Variants in BEAN1 observed in about 807,000 individuals in gnomAD.
The protein encoded by BEAN1 is protein BEAN1.
A neutral mutation model predicts 17.7 loss-of-function variants in BEAN1; 17 were observed. That is an observed-to-expected ratio of 0.96 (90% CI 0.66 to 1.44). The LOEUF is 1.44. BEAN1 is among the 40% of genes most tolerant of loss of function. BEAN1 has a pLI of 0.00. For missense variants in BEAN1, 359 were observed against 374.1 expected (o/e 0.96, Z 0.33); for synonymous variants, 142 against 151.8 (o/e 0.94, Z 0.47).
At position 66,469,767 on chromosome 16, in the gene BEAN1, A is replaced by G. The variant is rs893493147; in HGVS notation, c.191A>G (p.Gln64Arg). 1.5e-5 allele frequency: 23 copies of G among 1,535,890 alleles called. No individual in the cohort carries two copies. The African/African-American group carries it at 2.9e-4, about 19-fold the overall frequency. ...IIVGSIRRDRQARLQRHRHRH... is the reference protein window; with the variant it reads ...IIVGSIRRDRRARLQRHRHRH... The stretch of plus-strand genomic sequence containing the variant: ...GTGGGCAGCATCCGCAGGGACAGGC[A>G]GGCCCGGCTTCAGCGGCACCGCCAC... The change falls in exon 3 of 5, where the codon CAG becomes CGG. Residue 64 changes from glutamine (Q) to arginine (R), a missense_variant. Gln to Arg is a conservative substitution (Grantham distance 43). Coordinates refer to ENST00000536005, the MANE Select transcript of BEAN1 (RefSeq NM_001178020.3).
At chr16:66,478,864 T>G (rs926925505) in intron 4 of BEAN1, 1 of 152,408 alleles carries the variant, frequency 6.6e-6, no homozygotes, top group African/African-American at 2.4e-5. Flanking sequence ...CCTTCAGAGA[T>G]ACAGAGGAGG....
downstream of BEAN1, among the ~76,000 whole-genome samples, chr16:66,494,798 T>C (rs1460838432): frequency 6.6e-6 from 1 of 152,214 alleles, no homozygotes; most frequent in Non-Finnish European, 1.5e-5. Flanking sequence ...TGCCCCTTTA[T>C]GTACACATAT....
At chr16:66,492,880 C>A in intron 4 of BEAN1, 1 of 632,188 alleles carries the variant, frequency 1.6e-6, no homozygotes, top group South Asian at 1.8e-5. Flanking sequence ...GGCACCAGCC[C>A]TTGGTCCTGC....
intron 2 of BEAN1, among the ~76,000 whole-genome samples, chr16:66,469,337 T>A (rs1963376446): frequency 6.6e-6 from 1 of 152,228 alleles, no homozygotes; most frequent in Admixed American, 6.5e-5. Context: ...CTGTTTCCTA[T>A]CTGTGAGGTA....
intron 4 of BEAN1, chr16:66,478,057 G>C (rs1179913915): frequency 5.1e-6 from 1 of 197,402 alleles, no homozygotes; most frequent in Non-Finnish European, 1.0e-5. Flanking sequence ...TCTCCCTCAG[G>C]GTGGGAGGGA....
downstream of BEAN1, among the ~76,000 whole-genome samples, chr16:66,487,457 C>T (rs1478116367): frequency 6.6e-6 from 1 of 152,154 alleles, no homozygotes; most frequent in Non-Finnish European, 1.5e-5. Context: ...ATGGGGTAAT[C>T]AGCAGGAACT....
At chr16:66,438,846 A>G (rs1962137921) in intron 2 of BEAN1, among the ~76,000 whole-genome samples, 1 of 152,102 alleles carries the variant, frequency 6.6e-6, no homozygotes, top group Admixed American at 6.5e-5. Flanking sequence ...TTGGGGAGAC[A>G]TGCAGGACTG....
At chr16:66,493,201 C>A in exon 5 of BEAN1, 2 of 703,032 alleles carry the variant, frequency 2.8e-6, no homozygotes, top group Non-Finnish European at 5.2e-6. Context: ...CAGAGAAACT[C>A]GCTAGGACCC....
intron 2 of BEAN1, among the ~76,000 whole-genome samples, chr16:66,458,722 A>T (rs1047588615): frequency 6.6e-6 from 1 of 152,216 alleles, no homozygotes; most frequent in Non-Finnish European, 1.5e-5. Flanking sequence ...TCACCAAGAC[A>T]AAATGTCCTC....
chr16:66,445,163 G>A (rs1962396395), intron 2 of BEAN1, among the ~76,000 whole-genome samples: 1 of 151,914 alleles, frequency 6.6e-6, no homozygotes, highest in Non-Finnish European at 1.5e-5. Flanking sequence ...ATTGGGGGAG[G>A]AGCTACAAAG....
intron 2 of BEAN1, among the ~76,000 whole-genome samples, chr16:66,438,847 T>C (rs953531768): frequency 2.0e-5 from 3 of 152,118 alleles, no homozygotes; most frequent in East Asian, 1.9e-4. Context: ...TGGGGAGACA[T>C]GCAGGACTGC....
At chr16:66,444,774 A>G (rs1596991590) in intron 2 of BEAN1, among the ~76,000 whole-genome samples, 1 of 152,108 alleles carries the variant, frequency 6.6e-6, no homozygotes, top group African/African-American at 2.4e-5. Context: ...CATGAGGATT[A>G]CCTGCCATGA....
At chr16:66,445,937 C>G (rs536514544) in intron 2 of BEAN1, among the ~76,000 whole-genome samples, 25 of 152,126 alleles carry the variant, frequency 1.6e-4, no homozygotes, top group Non-Finnish European at 3.1e-4. Context: ...AATCCCAGCA[C>G]TTTGGGAGGC....
chr16:66,494,256 C>T (rs186585529), downstream of BEAN1, among the ~76,000 whole-genome samples: 6 of 152,308 alleles, frequency 3.9e-5, no homozygotes, highest in African/African-American at 1.4e-4. Flanking sequence ...GTGGCCAAAC[C>T]TATGGCTTGC....
rs968024694 is a variant in BEAN1 at position 66,482,554 on chromosome 16, T to C, written c.*1629T>C. The C allele has an allele frequency of 3.3e-6, 1 of 301,150 alleles. No homozygotes were observed. The highest frequency in any genetic ancestry group is 6.4e-6 in the Non-Finnish European group (1 of 155,180). 18.7% of individuals were successfully genotyped at this position (301,150 alleles called of 1,614,324 possible). ...TCTGACCACCTTAGTGGTGTACTGT[T>C]TTCTAGGCAAAAAATATCTGTCTGT... On this transcript the variant is annotated 3_prime_UTR_variant, in exon 5 of 5. Coordinates refer to ENST00000536005, the MANE Select transcript of BEAN1 (RefSeq NM_001178020.3).
At chr16:66,476,581 G>A (rs1439002552) in intron 3 of BEAN1, among the ~76,000 whole-genome samples, 1 of 152,210 alleles carries the variant, frequency 6.6e-6, no homozygotes, top group African/African-American at 2.4e-5. Context: ...AGCTCCCACT[G>A]TTCCCATCCA....
At chr16:66,439,020 G>T (rs1288626583) in intron 2 of BEAN1, among the ~76,000 whole-genome samples, 1 of 152,152 alleles carries the variant, frequency 6.6e-6, no homozygotes, top group Non-Finnish European at 1.5e-5. Context: ...TGGATCATGG[G>T]GGTGGGGGCC....
chr16:66,456,576 C>T (rs1259345433), intron 2 of BEAN1, among the ~76,000 whole-genome samples: 1 of 152,154 alleles, frequency 6.6e-6, no homozygotes, highest in African/African-American at 2.4e-5. Context: ...CAGGTTGAGT[C>T]CAGTCATTAT....
intron 2 of BEAN1, among the ~76,000 whole-genome samples, chr16:66,453,418 G>A (rs1013779332): frequency 6.6e-6 from 1 of 152,018 alleles, no homozygotes; most frequent in African/African-American, 2.4e-5. Flanking sequence ...GAGTGCAGTG[G>A]TGCAATCATA....
Sources: allele counts gnomAD v4.1 joint callset (sites outside exome capture counted in the v4.1 genomes callset), GRCh38; gene constraint gnomAD v4.1.1; transcripts MANE v1.5; gene names NCBI Gene and HGNC (gene_info 2026-07-23, HGNC 2026-07-21).